PHTF2: variants seen among roughly 807,000 people sequenced by gnomAD.
PHTF2 encodes the protein putative homeodomain transcription factor 2, also known as protein PHTF2.
Under a neutral mutation model 101.2 loss-of-function variants are expected in PHTF2, and 60 were observed. That is an observed-to-expected ratio of 0.59 (90% CI 0.48 to 0.73). The LOEUF (loss-of-function observed/expected upper bound fraction) is 0.73, where lower values mean the gene tolerates loss of function less well. Among genes scored for constraint, PHTF2 ranks in the 30% least tolerant of loss-of-function variants. PHTF2 has a pLI of 0.00. For synonymous variants in PHTF2, 311 were observed against 307.3 expected (o/e 1.01, Z -0.13); for missense variants, 747 against 908.7 (o/e 0.82, Z 2.29).
At chr7:77,825,551 A>G (rs1387979124) in intron 1 of PHTF2, among the ~76,000 whole-genome samples, 1 of 152,230 alleles carries the variant, frequency 6.6e-6, no homozygotes. Context: ...CAGTCTTGGT[A>G]CAGGACATTT....
chr7:77,955,321 A>G (rs1806925855), exon 20 of PHTF2: 1 of 152,790 alleles, frequency 6.5e-6, no homozygotes, highest in Non-Finnish European at 1.5e-5. Flanking sequence ...TGGTAAATCA[A>G]GATCCAGTCA....
intron 3 of PHTF2, among the ~76,000 whole-genome samples, chr7:77,868,862 T>C (rs1179007671): frequency 6.6e-6 from 1 of 152,194 alleles, no homozygotes; most frequent in Non-Finnish European, 1.5e-5. Context: ...TTTTAAATGA[T>C]TTTTGAGAAA....
intron 3 of PHTF2, among the ~76,000 whole-genome samples, chr7:77,879,471 G>A (rs1368857673): frequency 1.3e-5 from 2 of 152,062 alleles, no homozygotes; most frequent in Non-Finnish European, 2.9e-5. Flanking sequence ...AAAGCTGTTT[G>A]CCGGGCTCCC....
At chr7:77,868,019 C>T (rs1405106512) in intron 3 of PHTF2, among the ~76,000 whole-genome samples, 1 of 152,172 alleles carries the variant, frequency 6.6e-6, no homozygotes, top group Non-Finnish European at 1.5e-5. Context: ...TAAATATACC[C>T]ATTAATGTTA....
chr7:77,862,993 G>A (rs117714529), intron 3 of PHTF2, among the ~76,000 whole-genome samples: 3,628 of 152,246 alleles, frequency 0.024, 59 homozygotes, highest in Admixed American at 0.035. Flanking sequence ...GGACCATAGA[G>A]TTTATTCAAA....
At chr7:77,908,919 C>T (rs1802106405) in exon 8 of PHTF2, 1 of 1,612,736 alleles carries the variant, frequency 6.2e-7, no homozygotes, top group Admixed American at 1.7e-5. Flanking sequence ...TCCACAAGAA[C>T]ACCCAAACCT....
chr7:77,915,980 T>TGTGA (rs1802881669), intron 9 of PHTF2, among the ~76,000 whole-genome samples: 1 of 18,930 alleles, frequency 5.3e-5, no homozygotes, highest in Non-Finnish European at 1.7e-4. Flanking sequence ...TTTGTGTGTC[T>TGTGA]GTGTGTGTGT....
At position 77,954,646 on chromosome 7, in the gene PHTF2, A is replaced by ATG. The variant is rs567176874; in HGVS notation, c.2338-212_2338-211insTG. Among the ~76,000 whole-genome samples, 48 of 142,942 alleles carry ATG rather than the reference A, an allele frequency of 3.4e-4. 1 individual carries two copies. In the South Asian group the frequency reaches 9.9e-3, roughly 29 times the overall value. The allele number at this position is 142,942 out of a possible 152,430, so 93.8% of individuals were successfully genotyped here. A position where few individuals can be genotyped will look rare whatever the true frequency, so the allele number is the denominator to read the frequency against. Reference sequence around the variant, plus strand: ...TATATATATATATATATATATATATAGCCACTTCTCAAGAGAAAGCAATAG... The same window carrying ATG: ...TATATATATATATATATATATATATATGGCCACTTCTCAAGAGAAAGCAATAG... On this transcript the variant is annotated intron_variant, in intron 19 of 19. Transcript: ENST00000416283.
intron 1 of PHTF2, among the ~76,000 whole-genome samples, chr7:77,824,883 AC>A (rs1296473640): frequency 4.0e-5 from 6 of 151,766 alleles, no homozygotes; most frequent in South Asian, 2.1e-4. Context: ...AAAAAAAAAA[AC>A]GTTAGCCGAG....
chr7:77,892,183 A>G (rs974299595), intron 3 of PHTF2, among the ~76,000 whole-genome samples: 2 of 152,200 alleles, frequency 1.3e-5, no homozygotes, highest in Non-Finnish European at 2.9e-5. Flanking sequence ...CCAGCTGCTC[A>G]GGAGGCTGAG....
chr7:77,908,760 A>C (rs762480530), intron 7 of PHTF2, 33 bp from the exon 7 acceptor site: 1 of 1,412,966 alleles, frequency 7.1e-7, no homozygotes, highest in Non-Finnish European at 9.7e-7. Flanking sequence ...TATCAGATCT[A>C]TAATTAAGCA....
intron 3 of PHTF2, among the ~76,000 whole-genome samples, chr7:77,873,788 G>A (rs753849643): frequency 4.6e-5 from 7 of 152,180 alleles, no homozygotes; most frequent in Non-Finnish European, 7.3e-5. Context: ...AAGTTTCAGG[G>A]TCGCATTCTT....
At chr7:77,943,961 C>T (rs527689687) in intron 16 of PHTF2, among the ~76,000 whole-genome samples, 1 of 151,984 alleles carries the variant, frequency 6.6e-6, no homozygotes, top group South Asian at 2.1e-4. Flanking sequence ...GAGATTGCAC[C>T]ACTGCACTCC....
intron 12 of PHTF2, among the ~76,000 whole-genome samples, chr7:77,936,078 A>T (rs1018204360): frequency 2.0e-5 from 3 of 152,180 alleles, no homozygotes; most frequent in African/African-American, 7.2e-5. Flanking sequence ...CATGAAAGTT[A>T]AAGTATATTA....
chr7:77,888,024 A>G (rs1800021855), intron 3 of PHTF2, among the ~76,000 whole-genome samples: 2 of 152,222 alleles, frequency 1.3e-5, no homozygotes, highest in African/African-American at 2.4e-5. Flanking sequence ...TTGGATATCT[A>G]TACCATTACT....
At chr7:77,855,298 T>C (rs1426280746) in intron 3 of PHTF2, among the ~76,000 whole-genome samples, 2 of 152,234 alleles carry the variant, frequency 1.3e-5, no homozygotes, top group East Asian at 3.9e-4. Context: ...TTCAGGACTC[T>C]GCCCAGTGCC....
intron 11 of PHTF2, among the ~76,000 whole-genome samples, chr7:77,924,582 A>T (rs1803786341): frequency 6.6e-6 from 1 of 152,226 alleles, no homozygotes; most frequent in South Asian, 2.1e-4. Context: ...TGATAAAAGT[A>T]TTCCAATGAT....
chr7:77,911,032 A>G (rs1584682183), intron 9 of PHTF2, among the ~76,000 whole-genome samples: 3 of 152,318 alleles, frequency 2.0e-5, no homozygotes. Context: ...TGTGAATTGT[A>G]TAATTTTTTT....
intron 2 of PHTF2, among the ~76,000 whole-genome samples, chr7:77,851,137 A>G (rs2150623779): frequency 6.6e-6 from 1 of 152,298 alleles, no homozygotes; most frequent in Admixed American, 6.5e-5. Flanking sequence ...TGAATTTGAA[A>G]GTATTCCCTC....
Sources: allele counts gnomAD v4.1 joint callset (sites outside exome capture counted in the v4.1 genomes callset), GRCh38; gene constraint gnomAD v4.1.1; transcripts MANE v1.5; gene names NCBI Gene and HGNC (gene_info 2026-07-23, HGNC 2026-07-21).